Variants in CERK observed in about 807,000 individuals in gnomAD.
CERK encodes acylsphingosine kinase.
A neutral mutation model predicts 63.4 loss-of-function variants in CERK; 39 were observed. That is an observed-to-expected ratio of 0.61 (90% confidence interval 0.48 to 0.80). The LOEUF is 0.80. Among genes scored for constraint, CERK ranks in the 30% least tolerant of loss-of-function variants. The pLI is 0.00. For synonymous variants in CERK, 302 were observed against 280.0 expected, an observed-to-expected ratio of 1.08 and a Z score of -0.78; for missense variants, 670 against 714.1, an observed-to-expected ratio of 0.94 and a Z score of 0.70.
intron 6 of CERK, among the ~76,000 whole-genome samples, chr22:46,703,809 G>A (rs2082799672): frequency 6.6e-6 from 1 of 152,152 alleles, no homozygotes; most frequent in South Asian, 2.1e-4. Context: ...ACCTCCTGCT[G>A]CATGGCAGAG....
chr22:46,702,227 G>A (rs1490920966), intron 6 of CERK, among the ~76,000 whole-genome samples: 40 of 85,160 alleles, frequency 4.7e-4, no homozygotes, highest in Middle Eastern at 5.1e-3. Flanking sequence ...ATATATATGT[G>A]TGTGTGTGTG....
chr22:46,723,154 G>C (rs1033258112), intron 1 of CERK, among the ~76,000 whole-genome samples: 3 of 152,204 alleles, frequency 2.0e-5, no homozygotes, highest in Non-Finnish European at 4.4e-5. Flanking sequence ...AGGTGTACCT[G>C]CTCCTCTGGC....
chr22:46,724,591 G>A (rs1376381594), intron 1 of CERK, among the ~76,000 whole-genome samples: 3 of 152,300 alleles, frequency 2.0e-5, no homozygotes, highest in African/African-American at 4.8e-5. Flanking sequence ...TGGGTAAGCC[G>A]CTAAGCCTGG....
At chr22:46,720,292 T>C in intron 2 of CERK, 84 bp from the exon 3 acceptor site, 1 of 1,508,952 alleles carries the variant, frequency 6.6e-7, no homozygotes, top group Non-Finnish European at 8.9e-7. Flanking sequence ...CAAATGCAGC[T>C]AATTATAGGT....
intron 1 of CERK, among the ~76,000 whole-genome samples, chr22:46,732,729 T>C (rs1190771365): frequency 6.6e-6 from 1 of 152,062 alleles, no homozygotes; most frequent in Non-Finnish European, 1.5e-5. Context: ...CTTTCGCCCT[T>C]CCCCATCCCT....
intron 3 of CERK, among the ~76,000 whole-genome samples, chr22:46,717,725 T>C (rs529830881): frequency 2.8e-4 from 43 of 152,236 alleles, no homozygotes; most frequent in African/African-American, 9.1e-4. Context: ...TTTATCTGGG[T>C]GCTGGTTACA....
intron 3 of CERK, among the ~76,000 whole-genome samples, chr22:46,712,985 C>G (rs1208744926): frequency 6.6e-6 from 1 of 151,794 alleles, no homozygotes; most frequent in African/African-American, 2.4e-5. Flanking sequence ...GCTGGGACTA[C>G]AGGCGCCCGC....
intron 5 of CERK, among the ~76,000 whole-genome samples, chr22:46,708,512 C>T (rs1000189208): frequency 2.4e-4 from 36 of 152,196 alleles, no homozygotes; most frequent in African/African-American, 5.8e-4. Context: ...AATCACCAGC[C>T]GTGTGGGTGG....
rs546739670 is a variant in CERK, at chr22:46,693,339, G to A, written c.1126+88C>T. ...GAAAAAGGAAAAGCACAGGTGGGCA[G>A]GGAGAAGAGGCAGTGCCCTGAGAGA... On this transcript the variant is annotated intron_variant, in intron 10 of 12. Coordinates refer to ENST00000216264, the MANE Select transcript of CERK (RefSeq NM_022766.6). The A allele has an allele frequency of 1.1e-5, 11 of 1,047,472 alleles. No individual in the cohort carries two copies. In the African/African-American group the frequency reaches 1.2e-4, roughly 12 times the overall value. The allele number at this position is 1,047,472 out of a possible 1,614,324, so 64.9% of individuals were successfully genotyped here.
chr22:46,699,483 C>G lies in CERK; in HGVS notation c.791-18G>C, dbSNP rs375716499. 1.9e-6 allele frequency: 3 copies of G among 1,612,836 alleles called. No individual in the cohort carries two copies. Among genetic ancestry groups the G allele is most frequent in the Non-Finnish European group, 2.5e-6 (3 of 1,179,172 alleles). ...CGAGTCCCCTGTGGGAGAGAACGGCCGTGAGGGAAGGCAGCCCCCCTCCAG... is the reference window on the plus strand; with the variant it reads ...CGAGTCCCCTGTGGGAGAGAACGGCGGTGAGGGAAGGCAGCCCCCCTCCAG... On this transcript the variant is annotated intron_variant, in intron 7 of 12. Transcript: ENST00000216264.
chr22:46,723,430 C>A (rs1439477660), intron 1 of CERK, among the ~76,000 whole-genome samples: 3 of 152,030 alleles, frequency 2.0e-5, no homozygotes, highest in Admixed American at 1.3e-4. Flanking sequence ...ACCAGCCTGG[C>A]CAACATGGTG....
At position 46,738,169 on chromosome 22, in the gene CERK, G is replaced by A. The variant is rs2146604191; in HGVS notation, c.-21C>T. The stretch of plus-strand genomic sequence containing the variant: ...CCCATCTCCGCCGCCGGGCTCGTCC[G>A]CCAGGCTGGGGGCGCGCGGACGCCG... On this transcript the variant is annotated 5_prime_UTR_variant, in exon 1 of 13. Coordinates refer to ENST00000216264, the MANE Select transcript of CERK (RefSeq NM_022766.6). 4 of 1,156,950 alleles carry A rather than the reference G, an allele frequency of 3.5e-6. No homozygotes were observed. Among genetic ancestry groups the A allele is most frequent in the Non-Finnish European group, 4.2e-6 (4 of 942,242 alleles). 71.7% of individuals were successfully genotyped at this position (1,156,950 alleles called of 1,614,324 possible).
intron 11 of CERK, among the ~76,000 whole-genome samples, chr22:46,691,056 TACACAC>T (rs141210280): frequency 8.8e-5 from 13 of 147,194 alleles, no homozygotes; most frequent in East Asian, 2.0e-4. Flanking sequence ...TATACATACA[TACACAC>T]ACACACACAC....
At chr22:46,702,891 A>G (rs1268566817) in intron 6 of CERK, among the ~76,000 whole-genome samples, 3 of 152,212 alleles carry the variant, frequency 2.0e-5, no homozygotes, top group Non-Finnish European at 4.4e-5. Flanking sequence ...CTGGTTCTCA[A>G]CATTCCCCAC....
chr22:46,687,456 C>T (rs78640120), intron 12 of CERK, among the ~76,000 whole-genome samples: 5,492 of 152,250 alleles, frequency 0.036, 130 homozygotes, highest in African/African-American at 0.063. Context: ...CTTAGACTCC[C>T]GGGATGCCGA....
chr22:46,734,379 A>T (rs1456565056), intron 1 of CERK, among the ~76,000 whole-genome samples: 1 of 152,220 alleles, frequency 6.6e-6, no homozygotes, highest in Non-Finnish European at 1.5e-5. Flanking sequence ...TTTACATGAG[A>T]TAAAGCAGCC....
rs1356341635 is a variant in CERK at position 46,701,697 on chromosome 22, G to A, written c.729C>T (p.Cys243=). 19 of 1,556,598 alleles carry A rather than the reference G, an allele frequency of 1.2e-5. No individual in the cohort carries two copies. Among genetic ancestry groups the A allele is most frequent in the South Asian group, 4.7e-5 (4 of 84,320 alleles). The part of the protein sequence containing the change: ...IGIIPAGSTD[C]VCYSTVGTSD... ...TGGTGCCCACGGTGGAGTAACACACGCAGTCCGTTGACCCTGTAAAGGGAA... is the reference window on the plus strand; with the variant it reads ...TGGTGCCCACGGTGGAGTAACACACACAGTCCGTTGACCCTGTAAAGGGAA... The change falls in exon 7 of 13, where the codon TGC becomes TGT. Residue 243 remains cysteine (C), a synonymous_variant. Coordinates refer to ENST00000216264, the MANE Select transcript of CERK (RefSeq NM_022766.6).
intron 6 of CERK, 128 bp downstream of exon 6, chr22:46,707,715 T>C (rs2082819941): frequency 5.6e-6 from 6 of 1,066,794 alleles, no homozygotes; most frequent in African/African-American, 1.6e-5. Flanking sequence ...GTGGCCCTAA[T>C]GTTAGGAAAT....
intron 6 of CERK, 93 bp downstream of exon 6, chr22:46,707,749 AT>A: frequency 7.2e-7 from 1 of 1,387,624 alleles, no homozygotes; most frequent in Non-Finnish European, 9.9e-7. Context: ...ACTGAGTATA[AT>A]TGGGTTATTA....
Sources: gnomAD v4.1 joint callset for allele counts (sites outside exome capture counted in the v4.1 genomes callset) on GRCh38, gnomAD v4.1.1 for gene constraint, MANE v1.5 for transcripts, NCBI Gene and HGNC (gene_info 2026-07-23, HGNC 2026-07-21) for gene names.